Variants in PKP4 observed in about 807,000 individuals in gnomAD.
The protein encoded by PKP4 is plakophilin-4.
PKP4 carries 90 observed loss-of-function variants against 145.1 expected under a neutral mutation model. That is an observed-to-expected ratio of 0.62 (90% CI 0.52 to 0.74). The LOEUF (loss-of-function observed/expected upper bound fraction) is 0.74, where lower values mean the gene tolerates loss of function less well. Ranked by LOEUF, PKP4 falls within the 30% of genes least tolerant of loss-of-function variation. The probability of loss-of-function intolerance (pLI) is 0.00; values close to 1 mark genes in which losing one functional copy is unlikely to be tolerated. For synonymous variants in PKP4, 563 were observed against 577.2 expected, an observed-to-expected ratio of 0.98 and a Z score of 0.35; for missense variants, 1,340 against 1,482.7, an observed-to-expected ratio of 0.90 and a Z score of 1.58.
At chr2:158,563,713 C>G (rs919513465) in intron 2 of PKP4, among the ~76,000 whole-genome samples, 1 of 65,520 alleles carries the variant, frequency 1.5e-5, no homozygotes, top group African/African-American at 3.7e-5. Context: ...GTAATATTTA[C>G]CTTTTTTTTT....
At chr2:158,624,674 C>CAAAAAAAAA (rs999943180) in intron 6 of PKP4, among the ~76,000 whole-genome samples, 1 of 81,218 alleles carries the variant, frequency 1.2e-5, no homozygotes, top group Non-Finnish European at 2.8e-5. Flanking sequence ...TTTAAACCAC[C>CAAAAAAAAA]AAAAAAAAAA....
At position 158,658,080 on chromosome 2, in the gene PKP4, C is replaced by G. The variant is rs772923553; in HGVS notation, c.1910-51C>G. 8 of 1,049,554 alleles carry G rather than the reference C, an allele frequency of 7.6e-6. No homozygotes were observed. In the Admixed American group the frequency reaches 1.7e-4, roughly 23 times the overall value. The allele number at this position is 1,049,554 out of a possible 1,614,324, so 65.0% of individuals were successfully genotyped here. On this transcript the variant is annotated intron_variant, in intron 11 of 21. Transcript: ENST00000389759. ...TAGAGCTAATACGTTTATTTTATTT[C>G]TAAAGCCACAGGATCTCTATTTGTT...
chr2:158,607,783 A>G (rs2050777559), intron 4 of PKP4, among the ~76,000 whole-genome samples: 8 of 152,184 alleles, frequency 5.3e-5, no homozygotes, highest in Admixed American at 5.2e-4. Context: ...CAGACACTGC[A>G]TATAATCATG....
chr2:158,482,065 A>G (rs1693442213), intron 1 of PKP4, among the ~76,000 whole-genome samples: 1 of 152,224 alleles, frequency 6.6e-6, no homozygotes, highest in African/African-American at 2.4e-5. Flanking sequence ...TGTGCTGTCT[A>G]AAATATATCC....
intron 1 of PKP4, among the ~76,000 whole-genome samples, chr2:158,519,650 G>A (rs1388553401): frequency 1.3e-5 from 2 of 152,150 alleles, no homozygotes. Flanking sequence ...CTTACCAAAG[G>A]TCTATAGCAG....
chr2:158,666,618 G>C, intron 16 of PKP4, 55 bp downstream of exon 16: 1 of 1,440,678 alleles, frequency 6.9e-7, no homozygotes, highest in Non-Finnish European at 9.4e-7. Context: ...CAAAATTCAT[G>C]AAACTCTTCT....
intron 1 of PKP4, among the ~76,000 whole-genome samples, chr2:158,490,889 C>CA (rs1694839904): frequency 6.6e-6 from 1 of 152,146 alleles, no homozygotes; most frequent in African/African-American, 2.4e-5. Context: ...AGGACCAGGT[C>CA]AGTGTTTTAT....
intron 16 of PKP4, among the ~76,000 whole-genome samples, chr2:158,667,564 A>G (rs2057214466): frequency 6.6e-6 from 1 of 152,180 alleles, no homozygotes; most frequent in Non-Finnish European, 1.5e-5. Context: ...CCATGAGAGA[A>G]GGAGAGAGAA....
rs74934085 is a variant in PKP4, at chr2:158,619,547, A to G, written c.281-1443A>G. On this transcript the variant is annotated intron_variant, in intron 4 of 21. Transcript: ENST00000389759. ...TTCCCACTTCTCCCTTAAACCTTGT[A>G]TTCACCTTCTAAAGCAGCTTAATCA... is the stretch of plus-strand genomic sequence containing the variant. Among the ~76,000 whole-genome samples the G allele has an allele frequency of 2.8e-3, 431 of 152,340 alleles. 11 individuals carry two copies. In the East Asian group the frequency reaches 0.066, roughly 23 times the overall value.
chr2:158,657,041 A>G (rs2056032841), intron 11 of PKP4, among the ~76,000 whole-genome samples: 1 of 152,184 alleles, frequency 6.6e-6, no homozygotes. Context: ...TCCCTCTGCA[A>G]GGCCACAAAC....
At chr2:158,598,776 A>T (rs2049989187) in intron 3 of PKP4, among the ~76,000 whole-genome samples, 1 of 152,208 alleles carries the variant, frequency 6.6e-6, no homozygotes, top group South Asian at 2.1e-4. Context: ...CAAAAAAAAT[A>T]AAAATATTCC....
chr2:158,635,495 A>G (rs2053731998), intron 9 of PKP4, among the ~76,000 whole-genome samples: 1 of 152,174 alleles, frequency 6.6e-6, no homozygotes, highest in East Asian at 1.9e-4. Flanking sequence ...AGAAATTCCC[A>G]AAAGAGTTTT....
intron 1 of PKP4, among the ~76,000 whole-genome samples, chr2:158,472,270 T>C (rs1041157784): frequency 6.7e-6 from 1 of 150,202 alleles, no homozygotes; most frequent in Non-Finnish European, 1.5e-5. Flanking sequence ...AATAAATACA[T>C]ACAATTTTAT....
At chr2:158,548,207 C>G (rs2045259002) in intron 2 of PKP4, among the ~76,000 whole-genome samples, 1 of 151,992 alleles carries the variant, frequency 6.6e-6, no homozygotes, top group African/African-American at 2.4e-5. Flanking sequence ...ATTTGAGGAC[C>G]AGGATTATGG....
At chr2:158,495,141 C>A (rs1695494673) in intron 1 of PKP4, among the ~76,000 whole-genome samples, 1 of 151,796 alleles carries the variant, frequency 6.6e-6, no homozygotes, top group Admixed American at 6.6e-5. Context: ...TCACTTGAAC[C>A]CAGGAGGCGG....
chr2:158,582,089 C>A (rs1178912602), intron 3 of PKP4, among the ~76,000 whole-genome samples: 2 of 152,186 alleles, frequency 1.3e-5, no homozygotes, highest in African/African-American at 4.8e-5. Context: ...GTTATGGCCT[C>A]ATTTAATAGA....
intron 1 of PKP4, among the ~76,000 whole-genome samples, chr2:158,480,546 C>CT (rs953270149): frequency 1.1e-3 from 159 of 143,144 alleles, no homozygotes; most frequent in South Asian, 2.9e-3. Flanking sequence ...CTCTGGGATT[C>CT]TTTTTTTTTT....
chr2:158,649,365 A>G (rs1183240747), intron 11 of PKP4, among the ~76,000 whole-genome samples: 1 of 152,106 alleles, frequency 6.6e-6, no homozygotes, highest in Non-Finnish European at 1.5e-5. Context: ...TACAAATGTT[A>G]TTTCCCTTGT....
At chr2:158,533,110 A>G (rs1301330175) in intron 1 of PKP4, 70 bp from the exon 2 acceptor site, 5 of 1,457,312 alleles carry the variant, frequency 3.4e-6, no homozygotes, top group African/African-American at 2.8e-5. Context: ...GCTAGGAACC[A>G]TCTGTAAAGC....
Sources: allele counts gnomAD v4.1 joint callset (sites outside exome capture counted in the v4.1 genomes callset), GRCh38; gene constraint gnomAD v4.1.1; transcripts MANE v1.5; gene names NCBI Gene and HGNC (gene_info 2026-07-23, HGNC 2026-07-21).